The following ADAMTSL3 variants were observed in gnomAD, a reference collection of about 807,000 sequenced individuals.
The protein encoded by ADAMTSL3 is ADAMTS like 3, also known as ADAMTS-like protein 3.
ADAMTSL3 carries 128 observed loss-of-function variants against 201.7 expected under a neutral mutation model. The ratio of observed to expected loss-of-function variants is 0.63; its 90% CI spans 0.55 to 0.73. The LOEUF (loss-of-function observed/expected upper bound fraction) is 0.73, where lower values mean the gene tolerates loss of function less well. ADAMTSL3 is among the 30% of genes least tolerant of loss of function. The probability of loss-of-function intolerance (pLI) is 0.00; values close to 1 mark genes in which losing one functional copy is unlikely to be tolerated. For missense variants in ADAMTSL3, 1,990 were observed against 2,119.6 expected (o/e 0.94, Z 1.20); for synonymous variants, 738 against 748.4 (o/e 0.99, Z 0.23).
chr15:83,940,107 T>C (rs1244677205), intron 17 of ADAMTSL3, among the ~76,000 whole-genome samples: 2 of 152,238 alleles, frequency 1.3e-5, no homozygotes, highest in Admixed American at 6.5e-5. Flanking sequence ...CTTCTAATCA[T>C]GGCTTTAGCT....
At position 83,773,580 on chromosome 15, in the gene ADAMTSL3, G is replaced by A. The variant is rs754672935; in HGVS notation, c.247G>A (p.Asp83Asn). ...AGATGGCAACTGGGATGCTTGGGGC[G>A]ACTGGAGTGACTGCTCCCGGACCTG... is the stretch of plus-strand genomic sequence containing the variant. ...DKDGNWDAWG[D>N]WSDCSRTCGG... The change falls in exon 4 of 30, where the codon GAC (aspartate) becomes AAC (asparagine). Residue 83 changes from aspartate to asparagine, a missense_variant. Physicochemically the swap from Asp to Asn is conservative, Grantham distance 23. Coordinates refer to ENST00000286744, the MANE Select transcript of ADAMTSL3 (RefSeq NM_207517.3). The A allele has an allele frequency of 1.6e-5, 26 of 1,613,992 alleles. No homozygotes were observed. The highest frequency in any genetic ancestry group is 5.0e-5 in the Admixed American group (3 of 60,010).
chr15:83,695,942 G>C lies in ADAMTSL3; in HGVS notation c.70-8447G>C, dbSNP rs184837572. ...TTTTTTTTTGAAGAAAAATGTGTTG[G>C]GTGCACTGAGTTTAAGTACTGCTGG... is the stretch of plus-strand genomic sequence containing the variant. On this transcript the variant is annotated intron_variant, in intron 2 of 29. Coordinates refer to ENST00000286744, the MANE Select transcript of ADAMTSL3 (RefSeq NM_207517.3). 6.6e-5 allele frequency among the ~76,000 whole-genome samples: 10 copies of C among 152,028 alleles called. No individual in the cohort carries two copies. The East Asian group carries it at 1.7e-3, about 27-fold the overall frequency.
At chr15:83,951,632 T>C (rs561694278) in intron 19 of ADAMTSL3, among the ~76,000 whole-genome samples, 6 of 152,176 alleles carry the variant, frequency 3.9e-5, no homozygotes, top group Non-Finnish European at 2.9e-5. Flanking sequence ...AGTGAAGTCA[T>C]TGGATCTCAG....
chr15:83,708,172 CT>C (rs1275103294), intron 3 of ADAMTSL3, among the ~76,000 whole-genome samples: 1 of 152,180 alleles, frequency 6.6e-6, no homozygotes. Context: ...TGACAAAGTA[CT>C]TATGCAATTG....
At chr15:83,882,572 CTAAGTGT>C (rs1174427267) in intron 9 of ADAMTSL3, among the ~76,000 whole-genome samples, 2 of 151,976 alleles carry the variant, frequency 1.3e-5, no homozygotes, top group African/African-American at 4.8e-5. Context: ...GTGAATATCT[CTAAGTGT>C]TAAAGTTTCA....
intron 3 of ADAMTSL3, among the ~76,000 whole-genome samples, chr15:83,749,520 A>G (rs2141666428): frequency 6.6e-6 from 1 of 152,300 alleles, no homozygotes; most frequent in East Asian, 1.9e-4. Flanking sequence ...TGGCTGTTAC[A>G]TTTGGAAGTG....
chr15:83,953,710 T>C (rs1041419028), intron 19 of ADAMTSL3, among the ~76,000 whole-genome samples: 2 of 152,212 alleles, frequency 1.3e-5, no homozygotes, highest in African/African-American at 2.4e-5. Flanking sequence ...GCATTTCTTA[T>C]AGGACAGGTC....
At chr15:83,690,592 C>T (rs1415207080) in intron 2 of ADAMTSL3, among the ~76,000 whole-genome samples, 1 of 152,276 alleles carries the variant, frequency 6.6e-6, no homozygotes, top group East Asian at 1.9e-4. Flanking sequence ...GCTCCTGTGC[C>T]CCCCTAGCAC....
At chr15:83,749,786 G>T (rs1456423942) in intron 3 of ADAMTSL3, among the ~76,000 whole-genome samples, 1 of 152,178 alleles carries the variant, frequency 6.6e-6, no homozygotes, top group African/African-American at 2.4e-5. Flanking sequence ...CGAATAGGGT[G>T]GGTCTCGAAA....
rs564044163 is a variant in ADAMTSL3, at chr15:84,011,988, G to A, written c.3974-2554G>A. ...AATGTTTAATAGCTGTGACCTTTCAGAAAGCTTAAACTTTCTGTATGTGTA... is the reference window on the plus strand; with the variant it reads ...AATGTTTAATAGCTGTGACCTTTCAAAAAGCTTAAACTTTCTGTATGTGTA... On this transcript the variant is annotated intron_variant, in intron 23 of 29. Coordinates refer to ENST00000286744, the MANE Select transcript of ADAMTSL3 (RefSeq NM_207517.3). Among the ~76,000 whole-genome samples, 172 of 152,326 alleles carry A rather than the reference G, an allele frequency of 1.1e-3. 1 individual carries two copies. The highest frequency in any genetic ancestry group is 3.9e-3 in the African/African-American group (164 of 41,578).
At chr15:83,747,465 G>C (rs2062564559) in intron 3 of ADAMTSL3, among the ~76,000 whole-genome samples, 1 of 152,100 alleles carries the variant, frequency 6.6e-6, no homozygotes, top group Non-Finnish European at 1.5e-5. Context: ...CTTCCTCTCA[G>C]GTACCCATCC....
rs551082281 is a variant in ADAMTSL3, at chr15:83,703,103, A to G, written c.70-1286A>G. Among the ~76,000 whole-genome samples, 14 of 152,204 alleles carry G rather than the reference A, an allele frequency of 9.2e-5. No individual in the cohort carries two copies. In the South Asian group the frequency reaches 2.9e-3, roughly 32 times the overall value. On this transcript the variant is annotated intron_variant, in intron 2 of 29. Coordinates refer to ENST00000286744, the MANE Select transcript of ADAMTSL3 (RefSeq NM_207517.3). Reference sequence around the variant, plus strand: ...TGGAGCTTTAAAATTTGACCGCCCCACTAGATTTTGGACTTGCATGTGCCC... The same window carrying G: ...TGGAGCTTTAAAATTTGACCGCCCCGCTAGATTTTGGACTTGCATGTGCCC...
At chr15:83,998,541 A>G (rs879188640) in intron 23 of ADAMTSL3, among the ~76,000 whole-genome samples, 4 of 152,250 alleles carry the variant, frequency 2.6e-5, no homozygotes, top group Non-Finnish European at 5.9e-5. Context: ...CCTCTTACTT[A>G]CGTAAAAGCT....
At chr15:83,682,689 G>A (rs569375955) in intron 2 of ADAMTSL3, among the ~76,000 whole-genome samples, 5 of 152,302 alleles carry the variant, frequency 3.3e-5, no homozygotes, top group Admixed American at 1.3e-4. Flanking sequence ...TGATAGTGCC[G>A]TAGTCTAAAT....
intron 2 of ADAMTSL3, among the ~76,000 whole-genome samples, chr15:83,696,817 T>G (rs1379851184): frequency 6.6e-6 from 1 of 151,480 alleles, no homozygotes; most frequent in African/African-American, 2.4e-5. Context: ...AGGGGGAGAG[T>G]GCTGCATATC....
intron 3 of ADAMTSL3, among the ~76,000 whole-genome samples, chr15:83,761,349 A>G (rs915313467): frequency 6.6e-6 from 1 of 152,188 alleles, no homozygotes; most frequent in Admixed American, 6.5e-5. Flanking sequence ...TTGCTGTTTT[A>G]CACAGTTGCT....
At chr15:83,701,658 T>C (rs2061779752) in intron 2 of ADAMTSL3, among the ~76,000 whole-genome samples, 1 of 152,204 alleles carries the variant, frequency 6.6e-6, no homozygotes, top group African/African-American at 2.4e-5. Flanking sequence ...GTTTCCACTT[T>C]GCATCCCTTC....
At chr15:83,867,764 G>A (rs1471559992) in intron 8 of ADAMTSL3, among the ~76,000 whole-genome samples, 5 of 152,092 alleles carry the variant, frequency 3.3e-5, no homozygotes, top group Non-Finnish European at 7.3e-5. Flanking sequence ...TAGAATTTAG[G>A]GAGACCTCTT....
At chr15:83,766,501 T>C (rs1202599193) in intron 3 of ADAMTSL3, among the ~76,000 whole-genome samples, 3 of 152,140 alleles carry the variant, frequency 2.0e-5, no homozygotes, top group Admixed American at 1.3e-4. Context: ...AAAGACTTCA[T>C]AGAGATATCG....
Sources: allele counts gnomAD v4.1 joint callset (sites outside exome capture counted in the v4.1 genomes callset), GRCh38; gene constraint gnomAD v4.1.1; transcripts MANE v1.5; gene names NCBI Gene and HGNC (gene_info 2026-07-23, HGNC 2026-07-21).